Variants in SMYD3 observed in about 807,000 individuals in gnomAD.
The protein encoded by SMYD3 is histone-lysine N-methyltransferase SMYD3.
A neutral mutation model predicts 57.7 loss-of-function variants in SMYD3; 36 were observed. The observed-to-expected ratio is 0.62, with a 90% CI of 0.48 to 0.82. The LOEUF is 0.82. Among genes scored for constraint, SMYD3 ranks in the 40% least tolerant of loss-of-function variants. The pLI is 0.00. For missense variants in SMYD3, 515 were observed against 538.8 expected (o/e 0.96, Z 0.44); for synonymous variants, 211 against 195.0 (o/e 1.08, Z -0.68).
At chr1:246,493,209 TG>T (rs908998909) in intron 1 of SMYD3, among the ~76,000 whole-genome samples, 2 of 125,114 alleles carry the variant, frequency 1.6e-5, no homozygotes, top group Non-Finnish European at 1.7e-5. Flanking sequence ...TCCTAGCTAC[TG>T]GGGGGGAGGA....
chr1:246,461,338 CAG>C (rs1476213979), intron 1 of SMYD3, among the ~76,000 whole-genome samples: 1 of 151,984 alleles, frequency 6.6e-6, no homozygotes. Context: ...CATGTAGCTC[CAG>C]GTATTATGCA....
rs2066502824 is a variant in SMYD3, at chr1:246,387,404, A to AC, written c.165-32311_165-32310insG. On this transcript the variant is annotated intron_variant, in intron 1 of 11. Transcript: ENST00000490107. ...ATTAAGTACCTCACAGTTGGCCCTC[A>AC]ACGGCATTTAAAGTGAACATGGTAC... 2.6e-5 allele frequency among the ~76,000 whole-genome samples: 4 copies of AC among 152,262 alleles called. No individual in the cohort carries two copies. In the South Asian group the frequency reaches 8.3e-4, roughly 31 times the overall value.
intron 2 of SMYD3, among the ~76,000 whole-genome samples, chr1:246,350,472 C>G (rs1167321875): frequency 1.3e-5 from 2 of 152,118 alleles, no homozygotes; most frequent in Non-Finnish European, 2.9e-5. Flanking sequence ...AGAAGGGAAC[C>G]AATTCAGATC....
chr1:246,339,426 T>C (rs2065596086), intron 2 of SMYD3, among the ~76,000 whole-genome samples: 1 of 152,214 alleles, frequency 6.6e-6, no homozygotes, highest in African/African-American at 2.4e-5. Context: ...ACTAGGTATA[T>C]TGCACTACCT....
intron 5 of SMYD3, among the ~76,000 whole-genome samples, chr1:246,288,443 G>A (rs755155121): frequency 5.3e-5 from 8 of 152,128 alleles, no homozygotes; most frequent in Non-Finnish European, 8.8e-5. Flanking sequence ...AGCCCCATGC[G>A]TATGTTATGC....
At chr1:245,892,287 C>A (rs553234823) in intron 8 of SMYD3, among the ~76,000 whole-genome samples, 229 of 152,314 alleles carry the variant, frequency 1.5e-3, no homozygotes, top group African/African-American at 4.9e-3. Context: ...CCAGATCATT[C>A]AATAATAATA....
In SMYD3 at chr1:246,506,996, C is replaced by T. The variant is rs944499401; in HGVS notation, c.164+58G>A. On this transcript the variant is annotated intron_variant, in intron 1 of 11. Coordinates refer to ENST00000490107, the MANE Select transcript of SMYD3 (RefSeq NM_001167740.2). ...GGCTGCCGGCCGCCCGACGCCCCCC[C>T]CTCCCCAGCACCCCACACAGCTCGC... The T allele has an allele frequency of 4.7e-5, 38 of 816,106 alleles. 1 individual carries two copies. In the Admixed American group the frequency reaches 5.9e-4, roughly 13 times the overall value. The allele number at this position is 816,106 out of a possible 1,614,324, so 50.6% of individuals were successfully genotyped here. A position where few individuals can be genotyped will look rare whatever the true frequency, so the allele number is the denominator to read the frequency against.
chr1:246,413,118 A>G (rs1372467586), intron 1 of SMYD3, among the ~76,000 whole-genome samples: 3 of 152,244 alleles, frequency 2.0e-5, no homozygotes, highest in South Asian at 2.1e-4. Flanking sequence ...ACCACTCTAC[A>G]GTAATTATAA....
chr1:246,431,123 C>G (rs2067291111), intron 1 of SMYD3, among the ~76,000 whole-genome samples: 3 of 151,798 alleles, frequency 2.0e-5, no homozygotes, highest in Non-Finnish European at 1.5e-5. Flanking sequence ...AAGAAGTTAA[C>G]CAGATAAACA....
Position 245,929,920 on chromosome 1 carries a change from GAA to G in SMYD3, c.547_548del (p.Phe183HisfsTer4), listed in dbSNP as rs1558505607. On this transcript the variant is annotated frameshift_variant, in exon 6 of 12. Coordinates refer to ENST00000490107, the MANE Select transcript of SMYD3 (RefSeq NM_001167740.2). LOFTEE classifies it high-confidence loss of function. ...EAFAKVICNSFTICNAEMQEV... is the reference protein window; with the variant it reads ...EAFAKVICNSXTICNAEMQEV... ...CCTGCATCTCCGCATTACAGATGGT[GAA>G]AGAGTTGCAGATCACCTGTAAACAC... The G allele has an allele frequency of 6.2e-7, 1 of 1,613,676 alleles. No homozygotes were observed. Among genetic ancestry groups the G allele is most frequent in the South Asian group, 1.1e-5 (1 of 91,072 alleles).
chr1:246,223,898 C>T (rs1178846166), intron 5 of SMYD3, among the ~76,000 whole-genome samples: 1 of 152,122 alleles, frequency 6.6e-6, no homozygotes, highest in African/African-American at 2.4e-5. Flanking sequence ...TTAATCACAT[C>T]ATAGCATTCA....
chr1:246,009,901 G>A (rs553114331), intron 5 of SMYD3, among the ~76,000 whole-genome samples: 3 of 80,680 alleles, frequency 3.7e-5, no homozygotes, highest in East Asian at 3.6e-4. Context: ...CCTCCGCTTC[G>A]TGTCGTGAGA....
chr1:246,314,529 C>G (rs1041854662), intron 5 of SMYD3, among the ~76,000 whole-genome samples: 1 of 152,108 alleles, frequency 6.6e-6, no homozygotes, highest in Non-Finnish European at 1.5e-5. Flanking sequence ...AAAATTAAAA[C>G]AAAGGAGTGC....
chr1:246,431,154 G>A (rs907419425), intron 1 of SMYD3, among the ~76,000 whole-genome samples: 1 of 151,824 alleles, frequency 6.6e-6, no homozygotes, highest in African/African-American at 2.4e-5. Context: ...CCAAATGTAA[G>A]GGAAGAAAAA....
intron 1 of SMYD3, among the ~76,000 whole-genome samples, chr1:246,390,149 G>A (rs912951261): frequency 7.4e-6 from 1 of 135,914 alleles, no homozygotes; most frequent in Non-Finnish European, 1.5e-5. Flanking sequence ...AGGAGTTCAC[G>A]GCTACAGTGA....
intron 1 of SMYD3, among the ~76,000 whole-genome samples, chr1:246,367,831 AC>A (rs1406900356): frequency 1.3e-5 from 2 of 152,202 alleles, no homozygotes; most frequent in Non-Finnish European, 2.9e-5. Flanking sequence ...TTAGCATTGT[AC>A]CACCAAATAA....
chr1:246,200,608 A>G (rs568702726), intron 5 of SMYD3, among the ~76,000 whole-genome samples: 1 of 118,108 alleles, frequency 8.5e-6, no homozygotes, highest in Non-Finnish European at 1.6e-5. Flanking sequence ...AGACGTCACT[A>G]TAATAGAGAA....
chr1:246,272,314 A>T (rs1040917241), intron 5 of SMYD3, among the ~76,000 whole-genome samples: 1 of 152,160 alleles, frequency 6.6e-6, no homozygotes, highest in Non-Finnish European at 1.5e-5. Flanking sequence ...CTTCAGTAGT[A>T]TGTTGAATAG....
At chr1:245,772,730 CT>C (rs1255652101) in intron 10 of SMYD3, among the ~76,000 whole-genome samples, 1 of 152,134 alleles carries the variant, frequency 6.6e-6, no homozygotes, top group African/African-American at 2.4e-5. Flanking sequence ...TTAAGAGTTA[CT>C]TTGCACATGA....
Sources: gnomAD v4.1 joint callset for allele counts (sites outside exome capture counted in the v4.1 genomes callset) on GRCh38, gnomAD v4.1.1 for gene constraint, MANE v1.5 for transcripts, NCBI Gene and HGNC (gene_info 2026-07-23, HGNC 2026-07-21) for gene names.